SALL2: variants seen among roughly 807,000 people sequenced by gnomAD.
SALL2 encodes sal-like protein 2.
In SALL2, 32 loss-of-function variants were observed where a neutral mutation model predicts 58.5. The observed-to-expected ratio is 0.55, with a 90% confidence interval of 0.41 to 0.74. The LOEUF (loss-of-function observed/expected upper bound fraction) is 0.74. Ranked by LOEUF, SALL2 falls within the 30% of genes least tolerant of loss-of-function variation. The probability of loss-of-function intolerance (pLI) is 0.00; values close to 1 mark genes in which losing one functional copy is unlikely to be tolerated. For missense variants in SALL2, 1,201 were observed against 1,268.9 expected, an observed-to-expected ratio of 0.95 and a Z score of 0.81; for synonymous variants, 516 against 513.6, an observed-to-expected ratio of 1.00 and a Z score of -0.06.
chr14:21,536,768 G>T, intron 1 of SALL2: 1 of 1,167,306 alleles, frequency 8.6e-7, no homozygotes, highest in Non-Finnish European at 1.3e-6. Flanking sequence ...TTTCGCCCAT[G>T]GCCCGAGTGC....
At chr14:21,535,358 GA>G (rs888235899) in intron 1 of SALL2, among the ~76,000 whole-genome samples, 6 of 141,602 alleles carry the variant, frequency 4.2e-5, no homozygotes, top group African/African-American at 7.8e-5. Context: ...AAAAAAAAAA[GA>G]AAAAAAGAAA....
chr14:21,525,278 G>C lies in SALL2; in HGVS notation c.444C>G (p.Thr148=). ...LILASPKLGA[T]PLPPESTPAP... The stretch of plus-strand genomic sequence containing the variant: ...CAGGGGTCGATTCTGGAGGTAATGG[G>C]GTTGCTCCCAGCTTGGGACTGGCCA... Residue 148 remains threonine, a synonymous_variant, in exon 2 of 2, where the codon ACC becomes ACG. Coordinates refer to ENST00000537235, the MANE Select transcript of SALL2 (RefSeq NM_001364564.1). This position sits in a 1 kb window ranked among gnomAD's most constrained non-coding sequence, Gnocchi z 4.4. 2 of 1,612,244 alleles carry C rather than the reference G, an allele frequency of 1.2e-6. No homozygotes were observed. Among genetic ancestry groups the C allele is most frequent in the Non-Finnish European group, 1.7e-6 (2 of 1,178,988 alleles).
rs1594456755 is a variant in SALL2, at chr14:21,523,088, G to T, written c.2634C>A (p.Thr878=). Residue 878 remains threonine (T), a synonymous_variant, in exon 2 of 2, where the codon ACC becomes ACA. Coordinates refer to ENST00000537235, the MANE Select transcript of SALL2 (RefSeq NM_001364564.1). The surrounding 1 kb of genome is among the most constrained non-coding windows in gnomAD (Gnocchi z 4.4). ...TCACGCTGGTGGCTTCCCCTTCTGG[G>T]GTGAGTGCTGATGCCGGACTTGAGC... ...ERSSSPASAL[T]PEGEATSVTL... 6.2e-6 allele frequency: 10 copies of T among 1,614,126 alleles called. No homozygotes were observed. The highest frequency in any genetic ancestry group is 8.5e-6 in the Non-Finnish European group (10 of 1,180,026).
Position 21,525,117 on chromosome 14 carries a change from C to A in SALL2, c.605G>T (p.Cys202Phe). Residue 202 changes from cysteine to phenylalanine, a missense_variant, in exon 2 of 2, where the codon TGC becomes TTC. By Grantham distance (205) the Cys-to-Phe change is radical. Around this residue, in one of 3 missense-constraint regions of SALL2, gnomAD observed 467 missense variants for 468.9 expected, o/e 1.00. Transcript: ENST00000537235. The surrounding 1 kb of genome is among the most constrained non-coding windows in gnomAD (Gnocchi z 4.4). Reference sequence around the variant, plus strand: ...GGAGCCAAGCAACAGCACCTGCCTGCAGATTTGCTCAGTCATCTGCATCTG... The same window carrying A: ...GGAGCCAAGCAACAGCACCTGCCTGAAGATTTGCTCAGTCATCTGCATCTG... The part of the protein sequence containing the change: ...IHQMQMTEQI[C>F]RQVLLLGSLG... 2 of 1,614,140 alleles carry A rather than the reference C, an allele frequency of 1.2e-6. No homozygotes were observed. The highest frequency in any genetic ancestry group is 1.7e-6 in the Non-Finnish European group (2 of 1,180,006).
At position 21,522,625 on chromosome 14, in the gene SALL2, G is replaced by C; in HGVS notation, c.*79C>G. 1 of 1,488,822 alleles carries C rather than the reference G, an allele frequency of 6.7e-7. No individual in the cohort carries two copies. Among genetic ancestry groups the C allele is most frequent in the Non-Finnish European group, 8.9e-7 (1 of 1,121,256 alleles). The allele number at this position is 1,488,822 out of a possible 1,614,324, so 92.2% of individuals were successfully genotyped here. A position where few individuals can be genotyped will look rare whatever the true frequency, so the allele number is the denominator to read the frequency against. On this transcript the variant is annotated 3_prime_UTR_variant, in exon 2 of 2. Coordinates refer to ENST00000537235, the MANE Select transcript of SALL2 (RefSeq NM_001364564.1). ...ACTTAGAGAAAAAGACAAAATCAGG[G>C]CTCATAACTCTGGGAGGTCCTTTTG... is the stretch of plus-strand genomic sequence containing the variant.
At chr14:21,526,003 G>A (rs1892287912) in intron 1 of SALL2, 58 bp downstream of exon 1, 2 of 1,382,892 alleles carry the variant, frequency 1.4e-6, no homozygotes, top group Admixed American at 2.0e-5. Context: ...AGTCTTCGCC[G>A]CCCCTGCGCA....
Position 21,522,671 on chromosome 14 carries a change from G to A in SALL2, c.*33C>T. 6.6e-7 allele frequency: 1 copy of A among 1,510,244 alleles called. No homozygotes were observed. Among genetic ancestry groups the A allele is most frequent in the East Asian group, 2.3e-5 (1 of 43,714 alleles). 93.6% of individuals were successfully genotyped at this position (1,510,244 alleles called of 1,614,324 possible). On this transcript the variant is annotated 3_prime_UTR_variant, in exon 2 of 2. Coordinates refer to ENST00000537235, the MANE Select transcript of SALL2 (RefSeq NM_001364564.1). ...TTTTGTGAAGCTGTTTCTGCTCTGTGGGACAAAGAGCAGCAGGTACAGAAA... is the reference window on the plus strand; with the variant it reads ...TTTTGTGAAGCTGTTTCTGCTCTGTAGGACAAAGAGCAGCAGGTACAGAAA...
upstream of SALL2, among the ~76,000 whole-genome samples, chr14:21,530,945 T>C (rs967670290): frequency 1.3e-5 from 2 of 152,244 alleles, no homozygotes; most frequent in African/African-American, 2.4e-5. Context: ...ACAATGCTAA[T>C]TGGTAGCTTC....
At position 21,521,789 on chromosome 14, in the gene SALL2, T is replaced by G; in HGVS notation, c.*915A>C. 7.8e-6 allele frequency: 4 copies of G among 514,952 alleles called. No homozygotes were observed. Among genetic ancestry groups the G allele is most frequent in the Non-Finnish European group, 1.4e-5 (4 of 292,646 alleles). 31.9% of individuals were successfully genotyped at this position (514,952 alleles called of 1,614,324 possible). A position where few individuals can be genotyped will look rare whatever the true frequency, so the allele number is the denominator to read the frequency against. On this transcript the variant is annotated 3_prime_UTR_variant, in exon 2 of 2. Transcript: ENST00000537235. ...GCAAGAAATCAGCTTGTTTCCCAAC[T>G]TTGAGAGGTCATCATGAATGAGAAG...
At position 21,524,271 on chromosome 14, in the gene SALL2, G is replaced by GCACT; in HGVS notation, c.1447_1450dup (p.Ala484GlufsTer26). ...GGAGAGCAGAGTCAGGCTCTCTGTGGCACTGAGTGCTGTTGTGGAGGCCAC... is the reference window on the plus strand; with the variant it reads ...GGAGAGCAGAGTCAGGCTCTCTGTGGCACTCACTGAGTGCTGTTGTGGAGGCCAC... On this transcript the variant is annotated frameshift_variant, in exon 2 of 2. Coordinates refer to ENST00000537235, the MANE Select transcript of SALL2 (RefSeq NM_001364564.1). LOFTEE classifies it high-confidence loss of function. 4 of 1,613,912 alleles carry GCACT rather than the reference G, an allele frequency of 2.5e-6. No homozygotes were observed. The highest frequency in any genetic ancestry group is 3.4e-6 in the Non-Finnish European group (4 of 1,179,964).
At chr14:21,528,557 C>T (rs1892383769), upstream of SALL2, among the ~76,000 whole-genome samples, 1 of 152,084 alleles carries the variant, frequency 6.6e-6, no homozygotes, top group Non-Finnish European at 1.5e-5. Flanking sequence ...TGGACGGGTT[C>T]TGTGCTTCCA....
intron 1 of SALL2, chr14:21,536,782 C>T: frequency 7.3e-7 from 1 of 1,366,990 alleles, no homozygotes; most frequent in Non-Finnish European, 1.0e-6. Context: ...CGAGTGCCCT[C>T]CCCTTGCCCT....
chr14:21,522,782 T>G lies in SALL2; in HGVS notation c.2940A>C (p.Leu980=). 1.3e-6 allele frequency: 2 copies of G among 1,592,916 alleles called. No individual in the cohort carries two copies. The highest frequency in any genetic ancestry group is 1.7e-6 in the Non-Finnish European group (2 of 1,171,030). ...TGATGGAAGGCGAACAGCCAGGGAC[T>G]AGAGAAAGAGCAGCAATATTCTGAG... ...HGPQNIAALS[L]VPGCSPSITS... is the part of the protein sequence containing the mutation. The change falls in exon 2 of 2, where the codon CTA becomes CTC. Residue 980 remains leucine (L), a synonymous_variant. Coordinates refer to ENST00000537235, the MANE Select transcript of SALL2 (RefSeq NM_001364564.1).
chr14:21,521,935 T>G lies in SALL2; in HGVS notation c.*769A>C, dbSNP rs906760245. The G allele has an allele frequency of 3.4e-6, 5 of 1,477,746 alleles. No individual in the cohort carries two copies. The African/African-American group carries it at 7.0e-5, about 21-fold the overall frequency. The allele number at this position is 1,477,746 out of a possible 1,614,324, so 91.5% of individuals were successfully genotyped here. A position where few individuals can be genotyped will look rare whatever the true frequency, so the allele number is the denominator to read the frequency against. ...TTTCTCCCTACTTCCTAGGGTTGGG[T>G]CACCAATTACTGGAGCATCTTCAGT... is the stretch of plus-strand genomic sequence containing the variant. On this transcript the variant is annotated 3_prime_UTR_variant, in exon 2 of 2. Coordinates refer to ENST00000537235, the MANE Select transcript of SALL2 (RefSeq NM_001364564.1).
In SALL2 at chr14:21,525,511, T is replaced by A. The variant is rs1253611625; in HGVS notation, c.211A>T (p.Asn71Tyr). The A allele has an allele frequency of 6.2e-7, 1 of 1,613,820 alleles. No homozygotes were observed. The highest frequency in any genetic ancestry group is 1.7e-5 in the Admixed American group (1 of 59,974). The change falls in exon 2 of 2, where the codon AAC becomes TAC. Residue 71 changes from asparagine (N) to tyrosine (Y), a missense_variant. Coordinates refer to ENST00000537235, the MANE Select transcript of SALL2 (RefSeq NM_001364564.1). The surrounding 1 kb of genome is among the most constrained non-coding windows in gnomAD (Gnocchi z 4.4). ...MVIIGGQENP[N>Y]NSSASSEPRP... ...GGTTCAGAGGAGGCCGAAGAGTTGT[T>A]GGGGTTCTCCTGGCCCCCAATTATC... is the stretch of plus-strand genomic sequence containing the variant.
upstream of SALL2, among the ~76,000 whole-genome samples, chr14:21,528,138 CAAA>C (rs34420452): frequency 8.9e-6 from 1 of 111,814 alleles, no homozygotes; most frequent in Non-Finnish European, 2.0e-5. Context: ...AACTGCGTCT[CAAA>C]AAAAAAAAAA....
chr14:21,534,935 G>A (rs1892554047), intron 1 of SALL2, among the ~76,000 whole-genome samples: 2 of 152,140 alleles, frequency 1.3e-5, no homozygotes. Flanking sequence ...TGTAGCACAT[G>A]GAGCGCTGAT....
upstream of SALL2, among the ~76,000 whole-genome samples, chr14:21,526,887 G>A (rs547254726): frequency 6.6e-6 from 1 of 151,898 alleles, no homozygotes; most frequent in Non-Finnish European, 1.5e-5. Context: ...GTTTCTCAGG[G>A]TGGGCGGCTG....
intron 1 of SALL2, among the ~76,000 whole-genome samples, chr14:21,534,881 G>A (rs1226263486): frequency 3.3e-5 from 5 of 152,088 alleles, no homozygotes; most frequent in Non-Finnish European, 5.9e-5. Flanking sequence ...GCAGTGTTTC[G>A]GGGAGGATGC....
Sources: allele counts gnomAD v4.1 joint callset (sites outside exome capture counted in the v4.1 genomes callset), GRCh38; gene constraint gnomAD v4.1.1; regional missense constraint gnomAD v4.1.1; non-coding constraint Gnocchi (gnomAD v3.1); transcripts MANE v1.5; gene names NCBI Gene and HGNC (gene_info 2026-07-23, HGNC 2026-07-21).